The following MOB3B variants were observed in gnomAD, a reference collection of about 807,000 sequenced individuals.
MOB3B encodes the protein MOB kinase activator 3B, also known as MOB kinase activator-like 2B.
In MOB3B, 7 loss-of-function variants were observed where a neutral mutation model predicts 18.7. That is an observed-to-expected ratio of 0.37 (90% CI 0.21 to 0.70). The LOEUF (loss-of-function observed/expected upper bound fraction) is 0.70. Ranked by LOEUF, MOB3B falls within the 30% of genes least tolerant of loss-of-function variation. The pLI is 0.52. For synonymous variants in MOB3B, 111 were observed against 99.9 expected, an observed-to-expected ratio of 1.11 and a Z score of -0.66; for missense variants, 253 against 281.3, an observed-to-expected ratio of 0.90 and a Z score of 0.72.
chr9:27,336,617 G>A (rs946268110), intron 3 of MOB3B, among the ~76,000 whole-genome samples: 2 of 152,126 alleles, frequency 1.3e-5, no homozygotes, highest in Admixed American at 6.5e-5. Context: ...GCAGGGCAGT[G>A]AGCAGTACGC....
intron 2 of MOB3B, among the ~76,000 whole-genome samples, chr9:27,371,097 C>G (rs1035434037): frequency 3.3e-5 from 5 of 152,176 alleles, no homozygotes; most frequent in African/African-American, 1.2e-4. Flanking sequence ...TTATTTTCAT[C>G]TAAATAAAGT....
Position 27,328,398 on chromosome 9 carries a change from A to G in MOB3B, c.*2189T>C, listed in dbSNP as rs1405001912. ...AGGAATATTCTGTGATTAAAAAAAA[A>G]AAAAGGGTAGTTTGCCAGAATTTAC... On this transcript the variant is annotated 3_prime_UTR_variant, in exon 4 of 4. Coordinates refer to ENST00000262244, the MANE Select transcript of MOB3B (RefSeq NM_024761.5). 2.0e-5 allele frequency: 3 copies of G among 152,116 alleles called. No homozygotes were observed. The highest frequency in any genetic ancestry group is 7.2e-5 in the African/African-American group (3 of 41,426). The allele number at this position is 152,116 out of a possible 1,614,324, so 9.4% of individuals were successfully genotyped here.
chr9:27,361,962 G>A (rs1821280542), intron 2 of MOB3B, among the ~76,000 whole-genome samples: 2 of 152,146 alleles, frequency 1.3e-5, no homozygotes, highest in Non-Finnish European at 2.9e-5. Flanking sequence ...TATCTGTGTG[G>A]CCCTTATAGC....
chr9:27,497,110 T>A (rs541466441), intron 1 of MOB3B, among the ~76,000 whole-genome samples: 2 of 152,330 alleles, frequency 1.3e-5, no homozygotes, highest in East Asian at 3.9e-4. Flanking sequence ...TCTGAGTAGC[T>A]TCCCAGAAAG....
At chr9:27,462,576 A>G (rs1294523182) in intron 1 of MOB3B, among the ~76,000 whole-genome samples, 1 of 152,216 alleles carries the variant, frequency 6.6e-6, no homozygotes, top group Non-Finnish European at 1.5e-5. Flanking sequence ...AGCTGATATG[A>G]TATCACTCTG....
At chr9:27,466,592 G>A (rs1320485399) in intron 1 of MOB3B, among the ~76,000 whole-genome samples, 2 of 152,050 alleles carry the variant, frequency 1.3e-5, no homozygotes, top group African/African-American at 4.8e-5. Flanking sequence ...CCCAAAACTG[G>A]GAAGAAAAAA....
chr9:27,470,051 A>G (rs970612083), intron 1 of MOB3B, among the ~76,000 whole-genome samples: 18 of 149,922 alleles, frequency 1.2e-4, no homozygotes, highest in African/African-American at 3.2e-4. Context: ...CGAGGCCACA[A>G]TGAACTATAA....
At chr9:27,421,421 T>G (rs1010451961) in intron 2 of MOB3B, 1 of 152,360 alleles carries the variant, frequency 6.6e-6, no homozygotes, top group Non-Finnish European at 1.5e-5. Context: ...AGGCAAAGAA[T>G]TGAGGCACAC....
intron 3 of MOB3B, among the ~76,000 whole-genome samples, chr9:27,352,012 T>C (rs1024143164): frequency 6.6e-6 from 1 of 152,088 alleles, no homozygotes; most frequent in African/African-American, 2.4e-5. Context: ...TGCACTTTGG[T>C]GTGACAAAAT....
chr9:27,488,342 A>C (rs1205939170), intron 1 of MOB3B, among the ~76,000 whole-genome samples: 1 of 152,212 alleles, frequency 6.6e-6, no homozygotes, highest in Non-Finnish European at 1.5e-5. Flanking sequence ...AGTGGATATC[A>C]AGGTACACTG....
At chr9:27,380,159 C>T (rs887522071) in intron 2 of MOB3B, among the ~76,000 whole-genome samples, 1 of 152,150 alleles carries the variant, frequency 6.6e-6, no homozygotes, top group Admixed American at 6.5e-5. Context: ...ACTAGCAGTG[C>T]AACTTTAGTG....
chr9:27,359,728 T>G (rs1315217327), intron 2 of MOB3B, among the ~76,000 whole-genome samples: 1 of 152,176 alleles, frequency 6.6e-6, no homozygotes, highest in African/African-American at 2.4e-5. Flanking sequence ...GCATCACAGA[T>G]TCCCCCTTCG....
intron 1 of MOB3B, among the ~76,000 whole-genome samples, chr9:27,520,146 T>C (rs1035351179): frequency 2.0e-5 from 3 of 152,214 alleles, no homozygotes; most frequent in African/African-American, 7.2e-5. Context: ...ATCTTATCAG[T>C]AGATGCCAAA....
chr9:27,457,580 C>T (rs958873615), intron 1 of MOB3B, among the ~76,000 whole-genome samples: 3 of 152,210 alleles, frequency 2.0e-5, no homozygotes, highest in African/African-American at 7.2e-5. Context: ...GTGGAATCCC[C>T]GCCCCACCCC....
In MOB3B at chr9:27,332,849, C is replaced by G. The variant is rs560434844; in HGVS notation, c.622-2233G>C. 3.3e-3 allele frequency among the ~76,000 whole-genome samples: 499 copies of G among 152,334 alleles called. 1 individual carries two copies. Among genetic ancestry groups the G allele is most frequent in the Non-Finnish European group, 5.6e-3 (381 of 68,028 alleles). ...ACGGTTTAAACTCAGGTCTATCTGA[C>G]CGCAAAGGCTTGCTCTTTCTACTAC... On this transcript the variant is annotated intron_variant, in intron 3 of 3. Transcript: ENST00000262244.
intron 2 of MOB3B, among the ~76,000 whole-genome samples, chr9:27,438,395 G>A (rs571022833): frequency 1.3e-5 from 2 of 152,268 alleles, no homozygotes; most frequent in Admixed American, 1.3e-4. Context: ...TGAATTGGTG[G>A]TAGGAGGTCC....
intron 2 of MOB3B, among the ~76,000 whole-genome samples, chr9:27,454,718 C>G (rs1332887494): frequency 6.6e-6 from 1 of 152,230 alleles, no homozygotes. Context: ...GATCCCCAAA[C>G]AAATCTATGA....
At chr9:27,508,173 T>G (rs533656457) in intron 1 of MOB3B, among the ~76,000 whole-genome samples, 7 of 152,342 alleles carry the variant, frequency 4.6e-5, no homozygotes, top group African/African-American at 1.7e-4. Flanking sequence ...GACAAGTTCC[T>G]GAAGAAAGTA....
At chr9:27,374,059 C>T (rs1037652549) in intron 2 of MOB3B, among the ~76,000 whole-genome samples, 4 of 152,206 alleles carry the variant, frequency 2.6e-5, no homozygotes, top group African/African-American at 7.2e-5. Flanking sequence ...TGTTTCTATA[C>T]GTCACTTCCG....
Sources: gnomAD v4.1 joint callset for allele counts (sites outside exome capture counted in the v4.1 genomes callset) on GRCh38, gnomAD v4.1.1 for gene constraint, MANE v1.5 for transcripts, NCBI Gene and HGNC (gene_info 2026-07-23, HGNC 2026-07-21) for gene names.